The following UBE2F variants were observed in gnomAD, a reference collection of about 807,000 sequenced individuals.
UBE2F encodes ubiquitin conjugating enzyme E2 F (putative).
In UBE2F, 5 loss-of-function variants were observed where a neutral mutation model predicts 29.6. The observed-to-expected ratio is 0.17, with a 90% confidence interval of 0.09 to 0.36. The LOEUF (loss-of-function observed/expected upper bound fraction) is 0.36. Ranked by LOEUF, UBE2F falls within the 10% of genes least tolerant of loss-of-function variation. The probability of loss-of-function intolerance (pLI) is 1.00; values close to 1 mark genes in which losing one functional copy is unlikely to be tolerated. For synonymous variants in UBE2F, 66 were observed against 81.8 expected (o/e 0.81, Z 1.04); for missense variants, 141 against 228.5 (o/e 0.62, Z 2.47).
chr2:237,967,268 T>G lies in UBE2F; in HGVS notation c.-17+136T>G, dbSNP rs112460923. 0.84 allele frequency: 408,746 copies of G among 488,956 alleles called. 171,835 individuals carry two copies. Among genetic ancestry groups the G allele is most frequent in the East Asian group, 0.97 (6,286 of 6,474 alleles). The allele number at this position is 488,956 out of a possible 1,614,324, so 30.3% of individuals were successfully genotyped here. ...CGCCGGGTTCCTCACGCCGGGGGCC[T>G]GGCGGGCGCGGGCACCCGGACGCGA... On this transcript the variant is annotated intron_variant, in intron 1 of 9. Transcript: ENST00000272930. The surrounding 1 kb of genome is among the most constrained non-coding windows in gnomAD (Gnocchi z 6.3).
intron 9 of UBE2F, 64 bp from the exon 10 acceptor site, chr2:238,041,224 C>A: frequency 3.4e-6 from 5 of 1,488,940 alleles, no homozygotes; most frequent in Non-Finnish European, 4.7e-6. Flanking sequence ...CCCTGAAGCG[C>A]TGCTTCACTC....
intron 9 of UBE2F, 44 bp downstream of exon 9, chr2:238,035,984 G>C (rs368919305): frequency 6.4e-5 from 97 of 1,512,254 alleles, no homozygotes; most frequent in Admixed American, 1.0e-4. Context: ...TACTTGTCAC[G>C]AACACGATTA....
intron 5 of UBE2F, among the ~76,000 whole-genome samples, chr2:238,017,387 G>A (rs2064181719): frequency 6.6e-6 from 1 of 152,218 alleles, no homozygotes; most frequent in Non-Finnish European, 1.5e-5. Flanking sequence ...ATGAACTGTG[G>A]TGACAGGTGT....
chr2:238,015,064 A>T (rs2064123246), intron 4 of UBE2F, among the ~76,000 whole-genome samples: 1 of 152,250 alleles, frequency 6.6e-6, no homozygotes, highest in Admixed American at 6.5e-5. Flanking sequence ...CAATCAGTTG[A>T]TGAATGAATG....
chr2:237,989,729 A>T (rs1163156586), intron 3 of UBE2F, among the ~76,000 whole-genome samples: 2 of 152,142 alleles, frequency 1.3e-5, no homozygotes, highest in Admixed American at 6.5e-5. Flanking sequence ...CTTACTGTGG[A>T]TCTCAGTTGA....
intron 5 of UBE2F, among the ~76,000 whole-genome samples, chr2:238,022,599 A>G (rs1365039425): frequency 1.3e-5 from 2 of 152,178 alleles, no homozygotes; most frequent in African/African-American, 4.8e-5. Context: ...ATGGTCATCT[A>G]CATTTTCTTC....
chr2:238,018,313 G>A (rs114054217), intron 5 of UBE2F, among the ~76,000 whole-genome samples: 25 of 152,262 alleles, frequency 1.6e-4, no homozygotes, highest in East Asian at 1.5e-3. Flanking sequence ...ATGACATACC[G>A]TTCTGGATGT....
chr2:237,984,344 A>G (rs78157553), intron 2 of UBE2F, among the ~76,000 whole-genome samples: 323 of 152,098 alleles, frequency 2.1e-3, no homozygotes, highest in African/African-American at 6.5e-3. Flanking sequence ...GAAATCTCCA[A>G]TGGCTCCCTC....
Position 237,967,265 on chromosome 2 carries a change from G to A in UBE2F, c.-17+133G>A. On this transcript the variant is annotated intron_variant, in intron 1 of 9. Transcript: ENST00000272930. This position sits in a 1 kb window ranked among gnomAD's most constrained non-coding sequence, Gnocchi z 6.3. ...GCCCGCCGGGTTCCTCACGCCGGGG[G>A]CCTGGCGGGCGCGGGCACCCGGACG... is the stretch of plus-strand genomic sequence containing the variant. The A allele has an allele frequency of 1.8e-6, 1 of 556,422 alleles. No individual in the cohort carries two copies. Among genetic ancestry groups the A allele is most frequent in the African/African-American group, 2.1e-5 (1 of 48,604 alleles). The allele number at this position is 556,422 out of a possible 1,614,324, so 34.5% of individuals were successfully genotyped here. A position where few individuals can be genotyped will look rare whatever the true frequency, so the allele number is the denominator to read the frequency against.
At chr2:237,992,326 T>A (rs2063607483) in intron 3 of UBE2F, among the ~76,000 whole-genome samples, 1 of 152,258 alleles carries the variant, frequency 6.6e-6, no homozygotes, top group Non-Finnish European at 1.5e-5. Flanking sequence ...ATGTTTTTGT[T>A]ACTTAGAACT....
intron 5 of UBE2F, among the ~76,000 whole-genome samples, chr2:238,021,944 G>T (rs151082464): frequency 9.1e-4 from 139 of 152,172 alleles, no homozygotes; most frequent in Non-Finnish European, 1.8e-3. Context: ...TGGCATTATG[G>T]GTATTGAGTA....
intron 3 of UBE2F, among the ~76,000 whole-genome samples, chr2:237,992,637 G>A (rs2063612870): frequency 1.3e-5 from 2 of 152,170 alleles, no homozygotes; most frequent in South Asian, 2.1e-4. Flanking sequence ...AGGAAATGAG[G>A]CATGAGGTAG....
At chr2:237,992,871 T>G (rs60290974) in intron 3 of UBE2F, among the ~76,000 whole-genome samples, 2 of 152,244 alleles carry the variant, frequency 1.3e-5, no homozygotes, top group African/African-American at 4.8e-5. Context: ...CAAATACTTT[T>G]GGTGGAACTT....
At chr2:238,015,877 G>GA (rs1447009596) in intron 4 of UBE2F, among the ~76,000 whole-genome samples, 1 of 152,188 alleles carries the variant, frequency 6.6e-6, no homozygotes, top group Non-Finnish European at 1.5e-5. Context: ...CACCTGAGGA[G>GA]AGGGACTGCC....
chr2:238,003,294 T>G (rs1000348959), intron 4 of UBE2F: 8 of 464,812 alleles, frequency 1.7e-5, no homozygotes, highest in Non-Finnish European at 3.6e-5. Context: ...TCTTAAAATG[T>G]CAGTTATCTG....
chr2:237,968,714 C>A, intron 1 of UBE2F: 1 of 297,026 alleles, frequency 3.4e-6, no homozygotes, highest in Non-Finnish European at 5.0e-6. Flanking sequence ...GCAGGTCCCA[C>A]CCAGAGGAGG....
chr2:238,033,982 A>G (rs1352978306), intron 8 of UBE2F, among the ~76,000 whole-genome samples: 1 of 152,188 alleles, frequency 6.6e-6, no homozygotes, highest in East Asian at 1.9e-4. Flanking sequence ...CTAGGGGCCC[A>G]TATGCCGTCA....
At chr2:237,987,697 T>C (rs187083933) in intron 2 of UBE2F, among the ~76,000 whole-genome samples, 1 of 152,200 alleles carries the variant, frequency 6.6e-6, no homozygotes, top group Non-Finnish European at 1.5e-5. Context: ...TATAGGTCAT[T>C]TCTATGTTAA....
intron 4 of UBE2F, among the ~76,000 whole-genome samples, chr2:237,995,871 G>A (rs116826196): frequency 1.0e-3 from 159 of 152,328 alleles, no homozygotes; most frequent in African/African-American, 3.3e-3. Flanking sequence ...GATAAGGAGA[G>A]TACTTGGGTA....
Sources: allele counts gnomAD v4.1 joint callset (sites outside exome capture counted in the v4.1 genomes callset), GRCh38; gene constraint gnomAD v4.1.1; non-coding constraint Gnocchi (gnomAD v3.1); transcripts MANE v1.5; gene names NCBI Gene and HGNC (gene_info 2026-07-23, HGNC 2026-07-21).